The following C8orf34 variants were observed in gnomAD, a reference collection of about 807,000 sequenced individuals.
The protein encoded by C8orf34 is uncharacterized protein C8orf34.
Under a neutral mutation model 68.3 loss-of-function variants are expected in C8orf34, and 65 were observed. The observed-to-expected ratio is 0.95, with a 90% CI of 0.78 to 1.17. C8orf34 has a LOEUF of 1.17. Among genes scored for constraint, C8orf34 ranks in the 50% most tolerant of loss-of-function variants. C8orf34 has a pLI of 0.00. For missense variants in C8orf34, 664 were observed against 655.4 expected, an observed-to-expected ratio of 1.01 and a Z score of -0.14; for synonymous variants, 244 against 241.2, an observed-to-expected ratio of 1.01 and a Z score of -0.11.
chr8:68,629,795 A>G (rs1036586547), intron 7 of C8orf34, among the ~76,000 whole-genome samples: 2 of 151,968 alleles, frequency 1.3e-5, no homozygotes, highest in Non-Finnish European at 2.9e-5. Flanking sequence ...ATGTGTGTTT[A>G]TGTTTAAGTG....
intron 1 of C8orf34, among the ~76,000 whole-genome samples, chr8:68,355,464 G>A (rs538173510): frequency 5.3e-5 from 8 of 152,254 alleles, no homozygotes; most frequent in African/African-American, 1.9e-4. Context: ...ACAGTTTGAA[G>A]AGCCTAATTC....
chr8:68,657,478 T>C (rs1165661637), intron 8 of C8orf34, among the ~76,000 whole-genome samples: 2 of 152,166 alleles, frequency 1.3e-5, no homozygotes, highest in African/African-American at 4.8e-5. Context: ...TGCTGCCACC[T>C]TGATTTAGAC....
chr8:68,435,155 AT>A (rs915710738), intron 1 of C8orf34, among the ~76,000 whole-genome samples: 1 of 149,190 alleles, frequency 6.7e-6, no homozygotes, highest in Non-Finnish European at 1.5e-5. Flanking sequence ...ATTGATAAAT[AT>A]TGTAATCATA....
At chr8:68,804,625 A>C (rs1284107135) in intron 12 of C8orf34, among the ~76,000 whole-genome samples, 2 of 152,092 alleles carry the variant, frequency 1.3e-5, no homozygotes, top group Non-Finnish European at 2.9e-5. Context: ...TACTAAAAGT[A>C]CTTTTAAAAT....
chr8:68,655,041 G>C (rs1049525557), intron 8 of C8orf34, among the ~76,000 whole-genome samples: 2 of 151,992 alleles, frequency 1.3e-5, no homozygotes, highest in African/African-American at 4.8e-5. Flanking sequence ...TTTTCTAGAG[G>C]CTTTAATAAA....
chr8:68,571,028 C>T (rs190014692), intron 7 of C8orf34, among the ~76,000 whole-genome samples: 1 of 152,242 alleles, frequency 6.6e-6, no homozygotes, highest in Non-Finnish European at 1.5e-5. Flanking sequence ...ATGGAAGGAG[C>T]TTTGACCATT....
Position 68,521,898 on chromosome 8 carries a change from C to G in C8orf34, c.865C>G (p.Leu289Val). 1 of 1,614,050 alleles carries G rather than the reference C, an allele frequency of 6.2e-7. No homozygotes were observed. Among genetic ancestry groups the G allele is most frequent in the Non-Finnish European group, 8.5e-7 (1 of 1,179,968 alleles). ...TGCTGATCCCCTAGCTGCTGAAATGCTACAGCCTCCAATTCCAAGAAGCAA... is the reference window on the plus strand; with the variant it reads ...TGCTGATCCCCTAGCTGCTGAAATGGTACAGCCTCCAATTCCAAGAAGCAA... ...NDADPLAAEM[L>V]QPPIPRSKND... Residue 289 changes from leucine to valine, a missense_variant, in exon 6 of 14, where the codon CTA (leucine) becomes GTA (valine). Coordinates refer to ENST00000518698, the MANE Select transcript of C8orf34 (RefSeq NM_052958.4).
intron 5 of C8orf34, among the ~76,000 whole-genome samples, chr8:68,516,397 T>C (rs1204958273): frequency 6.6e-6 from 1 of 152,200 alleles, no homozygotes; most frequent in Non-Finnish European, 1.5e-5. Flanking sequence ...ACATCCAGTT[T>C]TATTAACAAG....
At chr8:68,557,084 T>C (rs1816278669) in intron 7 of C8orf34, among the ~76,000 whole-genome samples, 1 of 152,194 alleles carries the variant, frequency 6.6e-6, no homozygotes, top group Non-Finnish European at 1.5e-5. Flanking sequence ...TGAATTTTGG[T>C]ATATGAAAAG....
chr8:68,348,987 G>C (rs534250419), intron 1 of C8orf34, among the ~76,000 whole-genome samples: 1 of 152,122 alleles, frequency 6.6e-6, no homozygotes, highest in South Asian at 2.1e-4. Context: ...GCCCTGGCCA[G>C]GGCTTCCAAT....
chr8:68,659,507 AG>A (rs1819609302), intron 8 of C8orf34, among the ~76,000 whole-genome samples: 1 of 152,180 alleles, frequency 6.6e-6, no homozygotes, highest in African/African-American at 2.4e-5. Flanking sequence ...TACATTTTAC[AG>A]TGTATTTTAT....
chr8:68,338,771 A>T (rs1805954966), intron 1 of C8orf34, among the ~76,000 whole-genome samples: 1 of 152,112 alleles, frequency 6.6e-6, no homozygotes, highest in Admixed American at 6.6e-5. Context: ...TATATGTTAA[A>T]TTTTTAAATA....
intron 8 of C8orf34, among the ~76,000 whole-genome samples, chr8:68,681,632 C>T (rs1336337154): frequency 6.6e-6 from 1 of 152,110 alleles, no homozygotes; most frequent in African/African-American, 2.4e-5. Flanking sequence ...AATAAAACTA[C>T]CAAGTGATTC....
intron 8 of C8orf34, among the ~76,000 whole-genome samples, chr8:68,683,607 A>G (rs1487087281): frequency 1.3e-5 from 2 of 152,108 alleles, no homozygotes; most frequent in African/African-American, 4.8e-5. Flanking sequence ...GACAAATTTG[A>G]TGTCTGGAAA....
rs140274714 is a variant in C8orf34, at chr8:68,565,715, A to T, written c.1105+32566A>T. ...GTTGCTTAAGGTATTACATTATATGATCTGGCAGTGTGTCTAGATTTATCC... is the reference window on the plus strand; with the variant it reads ...GTTGCTTAAGGTATTACATTATATGTTCTGGCAGTGTGTCTAGATTTATCC... On this transcript the variant is annotated intron_variant, in intron 7 of 13. Coordinates refer to ENST00000518698, the MANE Select transcript of C8orf34 (RefSeq NM_052958.4). 8.0e-3 allele frequency among the ~76,000 whole-genome samples: 1,211 copies of T among 152,256 alleles called. 19 individuals are homozygous for T. The highest frequency in any genetic ancestry group is 0.027 in the African/African-American group (1,120 of 41,564).
chr8:68,549,938 A>G (rs1193429705), intron 7 of C8orf34, among the ~76,000 whole-genome samples: 1 of 151,778 alleles, frequency 6.6e-6, no homozygotes, highest in Non-Finnish European at 1.5e-5. Flanking sequence ...GATTAGTGTT[A>G]GCATGGTATA....
At chr8:68,396,712 CAAAAAAAAA>C (rs56946858) in intron 1 of C8orf34, among the ~76,000 whole-genome samples, 11 of 18,700 alleles carry the variant, frequency 5.9e-4, no homozygotes, top group African/African-American at 1.8e-3. Context: ...AGCTGCTTGT[CAAAAAAAAA>C]AAAAAAAAAA....
chr8:68,746,992 A>G lies in C8orf34; in HGVS notation c.1404+25555A>G, dbSNP rs1485904920. Among the ~76,000 whole-genome samples, 815 of 149,796 alleles carry G rather than the reference A, an allele frequency of 5.4e-3. 13 individuals are homozygous for G. The highest frequency in any genetic ancestry group is 0.018 in the African/African-American group (758 of 41,200). On this transcript the variant is annotated intron_variant, in intron 10 of 13. Transcript: ENST00000518698. Reference sequence around the variant, plus strand: ...TTGATGCAAAAATCCTCAATAAAATACTGGCAAACCGAATCCAGCAGCACA... The same window carrying G: ...TTGATGCAAAAATCCTCAATAAAATGCTGGCAAACCGAATCCAGCAGCACA...
intron 8 of C8orf34, among the ~76,000 whole-genome samples, chr8:68,650,715 G>A (rs1387724593): frequency 6.6e-6 from 1 of 152,042 alleles, no homozygotes; most frequent in Non-Finnish European, 1.5e-5. Context: ...TCCTGACCTC[G>A]TGATCCGCCC....
Sources: gnomAD v4.1 joint callset for allele counts (sites outside exome capture counted in the v4.1 genomes callset) on GRCh38, gnomAD v4.1.1 for gene constraint, MANE v1.5 for transcripts, NCBI Gene and HGNC (gene_info 2026-07-23, HGNC 2026-07-21) for gene names.